The following KCTD8 variants were observed in gnomAD, a reference collection of about 807,000 sequenced individuals.
KCTD8 encodes the protein BTB/POZ domain-containing protein KCTD8.
Under a neutral mutation model 31.5 loss-of-function variants are expected in KCTD8, and 27 were observed. That is an observed-to-expected ratio of 0.86 (90% CI 0.63 to 1.18). KCTD8 has a LOEUF of 1.18. KCTD8 is among the 50% of genes most tolerant of loss of function. The pLI is 0.00. For missense variants in KCTD8, 658 were observed against 647.7 expected, an observed-to-expected ratio of 1.02 and a Z score of -0.17; for synonymous variants, 290 against 280.0, an observed-to-expected ratio of 1.04 and a Z score of -0.36.
chr4:44,369,739 A>C (rs1577640345), intron 1 of KCTD8, among the ~76,000 whole-genome samples: 1 of 152,168 alleles, frequency 6.6e-6, no homozygotes. Context: ...TTGTGGCTGC[A>C]GTGAGCCAAG....
chr4:44,298,470 G>A (rs952747889), intron 1 of KCTD8, among the ~76,000 whole-genome samples: 36 of 151,676 alleles, frequency 2.4e-4, no homozygotes, highest in Admixed American at 5.3e-4. Context: ...GGGAAAAGGA[G>A]AAGAAAGCAC....
chr4:44,412,190 A>G (rs1024817008), intron 1 of KCTD8, among the ~76,000 whole-genome samples: 3 of 152,144 alleles, frequency 2.0e-5, no homozygotes, highest in African/African-American at 7.2e-5. Context: ...CAACAAACTA[A>G]TCCACAGTAA....
At chr4:44,372,157 T>G (rs990480358) in intron 1 of KCTD8, among the ~76,000 whole-genome samples, 1 of 152,212 alleles carries the variant, frequency 6.6e-6, no homozygotes, top group Admixed American at 6.5e-5. Context: ...ACTCACTCTA[T>G]CAGACTGATG....
At chr4:44,348,198 C>A (rs1165245028) in intron 1 of KCTD8, among the ~76,000 whole-genome samples, 1 of 152,112 alleles carries the variant, frequency 6.6e-6, no homozygotes, top group Non-Finnish European at 1.5e-5. Context: ...CTATGAAAAT[C>A]ACTAAATAAA....
chr4:44,174,690 GC>G lies in KCTD8; in HGVS notation c.*99del, dbSNP rs1399898050. ...CATCCACTGTTCACAACAAGGAAGAGCAGCAAGAATCACACTGACCATTGTT... is the reference window on the plus strand; with the variant it reads ...CATCCACTGTTCACAACAAGGAAGAGAGCAAGAATCACACTGACCATTGTT... On this transcript the variant is annotated 3_prime_UTR_variant, in exon 2 of 2. Coordinates refer to ENST00000360029, the MANE Select transcript of KCTD8 (RefSeq NM_198353.3). The G allele has an allele frequency of 4.1e-5, 35 of 855,114 alleles. No homozygotes were observed. In the Admixed American group the frequency reaches 8.1e-4, roughly 20 times the overall value. 53.0% of individuals were successfully genotyped at this position (855,114 alleles called of 1,614,324 possible).
At chr4:44,408,532 T>C (rs967571370) in intron 1 of KCTD8, among the ~76,000 whole-genome samples, 1 of 152,314 alleles carries the variant, frequency 6.6e-6, no homozygotes, top group Middle Eastern at 3.4e-3. Flanking sequence ...GAGTTTAATA[T>C]ATTTAAAAGT....
chr4:44,280,753 G>A (rs1040204023), intron 1 of KCTD8, among the ~76,000 whole-genome samples: 5 of 151,952 alleles, frequency 3.3e-5, no homozygotes, highest in African/African-American at 1.2e-4. Flanking sequence ...ATAGCACTTG[G>A]CAAAGCTAGA....
chr4:44,446,731 G>A (rs1381312888), intron 1 of KCTD8, among the ~76,000 whole-genome samples: 1 of 152,092 alleles, frequency 6.6e-6, no homozygotes, highest in Non-Finnish European at 1.5e-5. Flanking sequence ...CCGCTTTCGC[G>A]CTGGAGAAGG....
intron 1 of KCTD8, among the ~76,000 whole-genome samples, chr4:44,187,901 G>T (rs952189728): frequency 1.3e-5 from 2 of 151,746 alleles, no homozygotes; most frequent in Middle Eastern, 3.4e-3. Context: ...AGCTGCCTTA[G>T]ACCTGAGGAA....
chr4:44,231,748 T>G (rs1278192492), intron 1 of KCTD8, among the ~76,000 whole-genome samples: 1 of 152,134 alleles, frequency 6.6e-6, no homozygotes, highest in Non-Finnish European at 1.5e-5. Flanking sequence ...TATGAAGAAA[T>G]TTTTCTGGAA....
chr4:44,185,386 A>G (rs1713555000), intron 1 of KCTD8, among the ~76,000 whole-genome samples: 1 of 152,182 alleles, frequency 6.6e-6, no homozygotes, highest in African/African-American at 2.4e-5. Flanking sequence ...ACTATTCTCA[A>G]TGCCATTGCT....
At chr4:44,363,204 A>G (rs1266024214) in intron 1 of KCTD8, among the ~76,000 whole-genome samples, 1 of 152,174 alleles carries the variant, frequency 6.6e-6, no homozygotes, top group Non-Finnish European at 1.5e-5. Context: ...CAGAATTATT[A>G]GAAGAGAATC....
rs536524744 is a variant in KCTD8, at chr4:44,380,279, G to T, written c.961+67284C>A. ...AACATTATCAAATTAAGCTACTCCA[G>T]ATTCTACTTTCAGGTCACTTCTACA... On this transcript the variant is annotated intron_variant, in intron 1 of 1. Transcript: ENST00000360029. Among the ~76,000 whole-genome samples, 142 of 151,780 alleles carry T rather than the reference G, an allele frequency of 9.4e-4. 1 individual carries two copies. The highest frequency in any genetic ancestry group is 3.1e-3 in the African/African-American group (130 of 41,462).
At chr4:44,225,815 CTT>C (rs35751540) in intron 1 of KCTD8, among the ~76,000 whole-genome samples, 138 of 74,450 alleles carry the variant, frequency 1.9e-3, no homozygotes, top group East Asian at 4.3e-3. Context: ...GGTTTTGTCT[CTT>C]TTTTTTTTTT....
At chr4:44,429,879 T>C (rs1228891924) in intron 1 of KCTD8, among the ~76,000 whole-genome samples, 5 of 151,518 alleles carry the variant, frequency 3.3e-5, no homozygotes, top group Admixed American at 6.6e-5. Flanking sequence ...ATAAGATGGG[T>C]TCAGTGTGGA....
At chr4:44,285,920 G>GA (rs924343427) in intron 1 of KCTD8, among the ~76,000 whole-genome samples, 1 of 151,750 alleles carries the variant, frequency 6.6e-6, no homozygotes, top group Admixed American at 6.6e-5. Context: ...CATGGGAGAA[G>GA]AACAAAATAT....
intron 1 of KCTD8, among the ~76,000 whole-genome samples, chr4:44,334,708 T>G (rs1344073486): frequency 6.6e-6 from 1 of 152,060 alleles, no homozygotes; most frequent in East Asian, 1.9e-4. Flanking sequence ...GGATATAAAC[T>G]AATGTACATA....
At chr4:44,442,040 A>G (rs927625202) in intron 1 of KCTD8, among the ~76,000 whole-genome samples, 1 of 152,218 alleles carries the variant, frequency 6.6e-6, no homozygotes, top group African/African-American at 2.4e-5. Flanking sequence ...AAGATAGCAT[A>G]TAAACCAGCT....
intron 1 of KCTD8, among the ~76,000 whole-genome samples, chr4:44,273,655 C>A (rs899458421): frequency 2.0e-5 from 3 of 151,890 alleles, no homozygotes; most frequent in Admixed American, 6.6e-5. Context: ...ATTTTTCCCA[C>A]TGACAATTGG....
Sources: allele counts gnomAD v4.1 joint callset (sites outside exome capture counted in the v4.1 genomes callset), GRCh38; gene constraint gnomAD v4.1.1; transcripts MANE v1.5; gene names NCBI Gene and HGNC (gene_info 2026-07-23, HGNC 2026-07-21).